The following IFI44L variants were observed in gnomAD, a reference collection of about 807,000 sequenced individuals.
IFI44L encodes interferon induced protein 44 like.
A neutral mutation model predicts 39.3 loss-of-function variants in IFI44L; 40 were observed. The observed-to-expected ratio is 1.02, with a 90% CI of 0.79 to 1.33. The LOEUF (loss-of-function observed/expected upper bound fraction) is 1.33. Ranked by LOEUF, IFI44L falls within the 40% of genes most tolerant of loss-of-function variation. The pLI, the probability that IFI44L is intolerant of heterozygous loss-of-function variation, is 0.00. For missense variants in IFI44L, 623 were observed against 549.0 expected, an observed-to-expected ratio of 1.13 and a Z score of -1.35; for synonymous variants, 198 against 182.3, an observed-to-expected ratio of 1.09 and a Z score of -0.69.
Position 78,641,062 on chromosome 1 carries a change from A to G in IFI44L, c.1090A>G (p.Ser364Gly). Reference protein sequence around the residue: ...VALLTKVDDCSEVLQDNFLNM... With the variant: ...VALLTKVDDCGEVLQDNFLNM... ...CTTGCTTACTAAAGTGGATGATTGC[A>G]GTGAGGTTCTTCAAGACAACTTTTT... The change falls in exon 7 of 9, where the codon AGT becomes GGT. Residue 364 changes from serine (S) to glycine (G), a missense_variant. Ser to Gly is a moderately conservative substitution (Grantham distance 56). Transcript: ENST00000370751. The G allele has an allele frequency of 1.2e-6, 2 of 1,612,984 alleles. No individual in the cohort carries two copies. Among genetic ancestry groups the G allele is most frequent in the Non-Finnish European group, 1.7e-6 (2 of 1,179,184 alleles).
At chr1:78,635,623 T>A in intron 5 of IFI44L, 134 bp downstream of exon 5, 1 of 720,852 alleles carries the variant, frequency 1.4e-6, no homozygotes, top group East Asian at 2.7e-5. Flanking sequence ...CTACTTTGAA[T>A]GAATAAGAAT....
rs1647035467 is a variant in IFI44L at position 78,645,380 on chromosome 1, C to T, written c.*3571C>T. 1 of 152,182 alleles carries T rather than the reference C, an allele frequency of 6.6e-6. No individual in the cohort carries two copies. Among genetic ancestry groups the T allele is most frequent in the South Asian group, 2.1e-4 (1 of 4,828 alleles). The allele number at this position is 152,182 out of a possible 1,614,324, so 9.4% of individuals were successfully genotyped here. On this transcript the variant is annotated 3_prime_UTR_variant, in exon 9 of 9. Transcript: ENST00000370751. Reference sequence around the variant, plus strand: ...TTTCCTACACTTCTTCCTTTTAGGTCAACAATACCAAGAGGGGTTACTGTG... The same window carrying T: ...TTTCCTACACTTCTTCCTTTTAGGTTAACAATACCAAGAGGGGTTACTGTG...
At position 78,628,372 on chromosome 1, in the gene IFI44L, T is replaced by C. The variant is rs748287970; in HGVS notation, c.457T>C (p.Cys153Arg). The C allele has an allele frequency of 1.3e-6, 2 of 1,569,094 alleles. No individual in the cohort carries two copies. The highest frequency in any genetic ancestry group is 1.9e-4 in the Middle Eastern group (1 of 5,292). Residue 153 changes from cysteine to arginine, a missense_variant, in exon 2 of 9, where the codon TGT (cysteine) becomes CGT (arginine). Transcript: ENST00000370751. ...TTATGGCCACCGTCAGTATTTGGAA[T>C]GTGAAGTTTTTCGAGTTGAAGGTTT... ...RFYGHRQYLE[C>R]EVFRVEGIKD...
chr1:78,630,092 T>G, intron 4 of IFI44L, 177 bp downstream of exon 4: 12 of 602,374 alleles, frequency 2.0e-5, no homozygotes, highest in East Asian at 6.0e-5. Context: ...CAGAGAAGCT[T>G]TCAAATTTTA....
In IFI44L at chr1:78,628,092, T is replaced by C. The variant is rs2100482631; in HGVS notation, c.177T>C (p.Asn59=). 22 of 1,613,134 alleles carry C rather than the reference T, an allele frequency of 1.4e-5. No homozygotes were observed. Among genetic ancestry groups the C allele is most frequent in the Non-Finnish European group, 1.9e-5 (22 of 1,179,522 alleles). Residue 59 remains asparagine (N), a synonymous_variant, in exon 2 of 9, where the codon AAT becomes AAC. Coordinates refer to ENST00000370751, the MANE Select transcript of IFI44L (RefSeq NM_006820.4). ...CTITMAYIDY[N]MIVAFMLGNY... is the part of the protein sequence containing the mutation. ...TAACAATGGCTTACATTGATTACAA[T>C]ATGATTGTAGCCTTTATGCTTGGAA...
In IFI44L at chr1:78,628,029, A is replaced by C; in HGVS notation, c.114A>C (p.Glu38Asp). 1 of 1,613,304 alleles carries C rather than the reference A, an allele frequency of 6.2e-7. No homozygotes were observed. The highest frequency in any genetic ancestry group is 8.5e-7 in the Non-Finnish European group (1 of 1,179,484). The part of the protein sequence containing the change: ...YKSSVHGGSI[E>D]DMVERCSRQG... Reference sequence around the variant, plus strand: ...CTAGTGTTCATGGAGGTAGCATTGAAGATATGGTTGAAAGATGCAGCCGTC... The same window carrying C: ...CTAGTGTTCATGGAGGTAGCATTGACGATATGGTTGAAAGATGCAGCCGTC... Residue 38 changes from glutamate to aspartate, a missense_variant, in exon 2 of 9, where the codon GAA (glutamate) becomes GAC (aspartate). Transcript: ENST00000370751.
intron 2 of IFI44L, 178 bp downstream of exon 2, chr1:78,628,571 A>T (rs962695238): frequency 3.8e-5 from 22 of 577,368 alleles, no homozygotes; most frequent in Non-Finnish European, 5.7e-5. Context: ...GTTTTTATCC[A>T]GAACGTATAG....
intron 3 of IFI44L, 168 bp from the exon 4 acceptor site, chr1:78,629,552 G>A: frequency 2.1e-6 from 1 of 480,318 alleles, no homozygotes; most frequent in Non-Finnish European, 3.6e-6. Context: ...TATAACTTTA[G>A]ATATTTCAAA....
At chr1:78,634,529 T>C (rs542716454) in intron 4 of IFI44L, among the ~76,000 whole-genome samples, 123 of 152,266 alleles carry the variant, frequency 8.1e-4, no homozygotes, top group African/African-American at 2.7e-3. Flanking sequence ...TTTTCCTGGA[T>C]GAACAAAAGC....
In IFI44L at chr1:78,628,348, T is replaced by G; in HGVS notation, c.433T>G (p.Tyr145Asp). The change falls in exon 2 of 9, where the codon TAT (tyrosine) becomes GAT (aspartate). Residue 145 changes from tyrosine to aspartate, a missense_variant. By Grantham distance (160) the Tyr-to-Asp change is radical (BLOSUM62 -3). Coordinates refer to ENST00000370751, the MANE Select transcript of IFI44L (RefSeq NM_006820.4). ...MITRNLKLRF[Y>D]GHRQYLECEV... ...AACAAGAAACTTGAAACTAAGGTTT[T>G]ATGGCCACCGTCAGTATTTGGAATG... is the stretch of plus-strand genomic sequence containing the variant. 1 of 1,594,190 alleles carries G rather than the reference T, an allele frequency of 6.3e-7. No homozygotes were observed. Among genetic ancestry groups the G allele is most frequent in the South Asian group, 1.2e-5 (1 of 86,586 alleles).
At position 78,641,134 on chromosome 1, in the gene IFI44L, G is replaced by T. The variant is rs775997836; in HGVS notation, c.1149+13G>T. 1.4e-5 allele frequency: 22 copies of T among 1,526,444 alleles called. No individual in the cohort carries two copies. In the East Asian group the frequency reaches 4.1e-4, roughly 28 times the overall value. The allele number at this position is 1,526,444 out of a possible 1,614,324, so 94.6% of individuals were successfully genotyped here. A position where few individuals can be genotyped will look rare whatever the true frequency, so the allele number is the denominator to read the frequency against. On this transcript the variant is annotated intron_variant, in intron 7 of 8. Coordinates refer to ENST00000370751, the MANE Select transcript of IFI44L (RefSeq NM_006820.4). ...TTCTCAAAGCCGGGTAAAAAATGCT[G>T]ATCATAACCAGATATTATTGTAATA...
At chr1:78,624,514 C>T (rs556219214) in intron 1 of IFI44L, among the ~76,000 whole-genome samples, 5 of 152,248 alleles carry the variant, frequency 3.3e-5, no homozygotes, top group African/African-American at 9.6e-5. Flanking sequence ...TCCTGGAGAA[C>T]GCTCCTATAA....
At position 78,629,923 on chromosome 1, in the gene IFI44L, A is replaced by G; in HGVS notation, c.723+8A>G. 1 of 1,608,484 alleles carries G rather than the reference A, an allele frequency of 6.2e-7. No individual in the cohort carries two copies. The highest frequency in any genetic ancestry group is 1.1e-5 in the South Asian group (1 of 90,574). ...ACCAGCATAACCGAGCGGGTAAGTT[A>G]TTTCCCTGAGGATTTTATTTTATAG... On this transcript the variant is annotated splice_region_variant and intron_variant, in intron 4 of 8. Coordinates refer to ENST00000370751, the MANE Select transcript of IFI44L (RefSeq NM_006820.4).
chr1:78,635,000 A>ATG (rs563401443), intron 4 of IFI44L, among the ~76,000 whole-genome samples: 10,750 of 117,808 alleles, frequency 0.091, 694 homozygotes, highest in East Asian at 0.46. Context: ...ATATATATAT[A>ATG]TGTGTGTGTG....
At chr1:78,624,589 T>G (rs1652414725) in intron 1 of IFI44L, among the ~76,000 whole-genome samples, 2 of 152,160 alleles carry the variant, frequency 1.3e-5, no homozygotes, top group African/African-American at 4.8e-5. Context: ...GCCTATTAGG[T>G]CCATTGGGAC....
chr1:78,642,071 A>ATGAGATATTCTC lies in IFI44L; in HGVS notation c.*264_*275dup, dbSNP rs142656191. ...ATCTTTTTAAACCACTGGAGGAAAA[A>ATGAGATATTCTC]TGAGATATTCTCTAATTTATTCTTC... On this transcript the variant is annotated 3_prime_UTR_variant, in exon 9 of 9. Transcript: ENST00000370751. 0.066 allele frequency: 37,447 copies of ATGAGATATTCTC among 563,932 alleles called. 3,610 individuals carry two copies. Among genetic ancestry groups the ATGAGATATTCTC allele is most frequent in the East Asian group, 0.41 (13,036 of 32,134 alleles). The allele number at this position is 563,932 out of a possible 1,614,324, so 34.9% of individuals were successfully genotyped here. A position where few individuals can be genotyped will look rare whatever the true frequency, so the allele number is the denominator to read the frequency against.
At chr1:78,627,412 G>A (rs925892120) in intron 1 of IFI44L, 24 of 151,508 alleles carry the variant, frequency 1.6e-4, no homozygotes, top group African/African-American at 4.6e-4. Context: ...TAATTCATAC[G>A]TTGGCAAATG....
chr1:78,623,942 C>G (rs1370223680), intron 1 of IFI44L, among the ~76,000 whole-genome samples: 1 of 152,134 alleles, frequency 6.6e-6, no homozygotes, highest in Admixed American at 6.6e-5. Flanking sequence ...TTTACTAATT[C>G]AAATGCTAAT....
At chr1:78,635,525 A>G in intron 5 of IFI44L, 36 bp downstream of exon 5, 1 of 1,589,540 alleles carries the variant, frequency 6.3e-7, no homozygotes, top group Non-Finnish European at 8.6e-7. Context: ...ATTTCAAATC[A>G]TTTTCTTCAG....
Sources: gnomAD v4.1 joint callset for allele counts (sites outside exome capture counted in the v4.1 genomes callset) on GRCh38, gnomAD v4.1.1 for gene constraint, MANE v1.5 for transcripts, NCBI Gene and HGNC (gene_info 2026-07-23, HGNC 2026-07-21) for gene names.